The following NPAS3 variants were observed in gnomAD, a reference collection of about 807,000 sequenced individuals.
NPAS3 encodes the protein neuronal PAS domain protein 3.
NPAS3 carries 14 observed loss-of-function variants against 73.1 expected under a neutral mutation model. The observed-to-expected ratio is 0.19, with a 90% CI of 0.13 to 0.30. NPAS3 has a LOEUF of 0.30. NPAS3 is among the 10% of genes least tolerant of loss of function. NPAS3 has a pLI of 1.00. For synonymous variants in NPAS3, 620 were observed against 541.5 expected, an observed-to-expected ratio of 1.14 and a Z score of -2.01; for missense variants, 1,096 against 1,250.0, an observed-to-expected ratio of 0.88 and a Z score of 1.86.
chr14:33,410,544 TTC>T (rs2047876364), intron 4 of NPAS3, among the ~76,000 whole-genome samples: 1 of 152,210 alleles, frequency 6.6e-6, no homozygotes, highest in South Asian at 2.1e-4. Flanking sequence ...AATTCATTAC[TTC>T]TCATTGCATT....
At chr14:33,652,111 T>C (rs1185824650) in intron 5 of NPAS3, among the ~76,000 whole-genome samples, 3 of 152,160 alleles carry the variant, frequency 2.0e-5, no homozygotes, top group Admixed American at 6.5e-5. Context: ...TTGTATTAAA[T>C]TTGCAAGGAA....
chr14:33,518,345 A>G (rs768356252), intron 4 of NPAS3, among the ~76,000 whole-genome samples: 2 of 152,086 alleles, frequency 1.3e-5, no homozygotes, highest in Non-Finnish European at 2.9e-5. Flanking sequence ...CAAGGTAAGG[A>G]GGATTTTCAA....
chr14:33,417,702 T>C (rs1056207461), intron 4 of NPAS3, among the ~76,000 whole-genome samples: 1 of 151,912 alleles, frequency 6.6e-6, no homozygotes, highest in African/African-American at 2.4e-5. Flanking sequence ...GCATCTGCCT[T>C]ATTCAGGATA....
At chr14:33,171,485 A>G (rs1271645144) in intron 2 of NPAS3, among the ~76,000 whole-genome samples, 1 of 152,144 alleles carries the variant, frequency 6.6e-6, no homozygotes, top group Non-Finnish European at 1.5e-5. Context: ...ATGTTATGGC[A>G]TCTTTCCCTA....
At chr14:33,721,064 GTTA>G (rs1295741194) in intron 6 of NPAS3, among the ~76,000 whole-genome samples, 1 of 152,106 alleles carries the variant, frequency 6.6e-6, no homozygotes, top group Non-Finnish European at 1.5e-5. Context: ...AATTTCTATT[GTTA>G]TTTTTATATT....
At chr14:33,488,413 C>T (rs2051717456) in intron 4 of NPAS3, among the ~76,000 whole-genome samples, 1 of 152,110 alleles carries the variant, frequency 6.6e-6, no homozygotes, top group Non-Finnish European at 1.5e-5. Flanking sequence ...GCCCCGTGCA[C>T]AGACTCCAAG....
intron 2 of NPAS3, among the ~76,000 whole-genome samples, chr14:33,056,963 A>G (rs1187999072): frequency 6.6e-6 from 1 of 152,194 alleles, no homozygotes; most frequent in African/African-American, 2.4e-5. Context: ...ATTGAACAAT[A>G]CCATTTTTTT....
chr14:32,935,325 C>T (rs1405829211), upstream of NPAS3, among the ~76,000 whole-genome samples: 2 of 152,180 alleles, frequency 1.3e-5, no homozygotes, highest in Non-Finnish European at 2.9e-5. Flanking sequence ...GGATCCTCAT[C>T]CCTTTCCAGT....
intron 4 of NPAS3, among the ~76,000 whole-genome samples, chr14:33,480,730 C>T (rs2051286460): frequency 1.3e-5 from 2 of 152,032 alleles, no homozygotes; most frequent in South Asian, 4.2e-4. Flanking sequence ...ACCCTGAAGA[C>T]ATAAACCTCA....
At chr14:33,461,013 A>G (rs1388354948) in intron 4 of NPAS3, among the ~76,000 whole-genome samples, 1 of 152,206 alleles carries the variant, frequency 6.6e-6, no homozygotes, top group African/African-American at 2.4e-5. Flanking sequence ...TGCTCACCAT[A>G]TCAACGATTC....
intron 1 of NPAS3, among the ~76,000 whole-genome samples, chr14:32,957,153 C>T (rs2036703318): frequency 6.6e-6 from 1 of 152,042 alleles, no homozygotes; most frequent in South Asian, 2.1e-4. Flanking sequence ...AAACATATGC[C>T]ATCTCTATAC....
chr14:33,358,157 C>G (rs1023615702), intron 3 of NPAS3, among the ~76,000 whole-genome samples: 2 of 152,156 alleles, frequency 1.3e-5, no homozygotes, highest in African/African-American at 4.8e-5. Context: ...TGGTTAGTGA[C>G]TCGGTTGCCC....
intron 3 of NPAS3, among the ~76,000 whole-genome samples, chr14:33,254,553 G>C (rs183332810): frequency 6.6e-6 from 1 of 152,058 alleles, no homozygotes; most frequent in Non-Finnish European, 1.5e-5. Context: ...CAAAGCCTAC[G>C]GTAGTGCCTG....
intron 2 of NPAS3, among the ~76,000 whole-genome samples, chr14:33,079,490 G>A (rs936118826): frequency 1.3e-5 from 2 of 148,994 alleles, no homozygotes; most frequent in African/African-American, 4.9e-5. Flanking sequence ...AGCTAATTTT[G>A]TATTTTTAGT....
At chr14:33,643,397 A>AC (rs1199312106) in intron 5 of NPAS3, among the ~76,000 whole-genome samples, 5 of 129,386 alleles carry the variant, frequency 3.9e-5, no homozygotes, top group Admixed American at 7.6e-5. Flanking sequence ...AAAAAAAAAA[A>AC]ACGAGAGAGA....
chr14:33,285,814 C>G (rs1205523508), intron 3 of NPAS3, among the ~76,000 whole-genome samples: 2 of 152,128 alleles, frequency 1.3e-5, no homozygotes, highest in Non-Finnish European at 2.9e-5. Flanking sequence ...CTAAATCTAC[C>G]TCACTTTTTA....
At chr14:33,557,505 A>G (rs1253832888) in intron 4 of NPAS3, among the ~76,000 whole-genome samples, 1 of 152,200 alleles carries the variant, frequency 6.6e-6, no homozygotes, top group African/African-American at 2.4e-5. Context: ...AATGCTGTGA[A>G]TATTCGCCTT....
Position 33,168,375 on chromosome 14 carries a change from CAA to C in NPAS3, c.141-46805_141-46804del, listed in dbSNP as rs545945660. Among the ~76,000 whole-genome samples the C allele has an allele frequency of 3.7e-4, 57 of 152,246 alleles. 1 individual carries two copies. Among genetic ancestry groups the C allele is most frequent in the African/African-American group, 1.3e-3 (55 of 41,544 alleles). ...GGAGCAGAGAAGGTCACAAGGAAAA[CAA>C]AGACACCAGACATCTGACCCCATCA... On this transcript the variant is annotated intron_variant, in intron 2 of 11. Transcript: ENST00000356141.
chr14:33,619,419 T>A (rs1309253820), intron 5 of NPAS3, among the ~76,000 whole-genome samples: 1 of 151,890 alleles, frequency 6.6e-6, no homozygotes, highest in Non-Finnish European at 1.5e-5. Flanking sequence ...GCTCTTAAAC[T>A]ATATGAAATG....
Sources: allele counts gnomAD v4.1 joint callset (sites outside exome capture counted in the v4.1 genomes callset), GRCh38; gene constraint gnomAD v4.1.1; transcripts MANE v1.5; gene names NCBI Gene and HGNC (gene_info 2026-07-23, HGNC 2026-07-21).